FAM91A1: variants seen among roughly 807,000 people sequenced by gnomAD.
FAM91A1 encodes protein FAM91A1.
A neutral mutation model predicts 113.5 loss-of-function variants in FAM91A1; 41 were observed. That is an observed-to-expected ratio of 0.36 (90% CI 0.28 to 0.47). The LOEUF is 0.47. Ranked by LOEUF, FAM91A1 falls within the 20% of genes least tolerant of loss-of-function variation. FAM91A1 has a pLI of 1.00. For missense variants in FAM91A1, 696 were observed against 1,001.2 expected (o/e 0.70, Z 4.11); for synonymous variants, 307 against 347.9 (o/e 0.88, Z 1.31).
chr8:123,809,127 A>AT, intron 22 of FAM91A1, 111 bp downstream of exon 22: 1 of 1,398,658 alleles, frequency 7.1e-7, no homozygotes, highest in Non-Finnish European at 9.5e-7. Context: ...TGTTCTGTAT[A>AT]TATTTGTTGA....
intron 20 of FAM91A1, 92 bp from the exon 21 acceptor site, chr8:123,808,180 T>C (rs1815857645): frequency 3.0e-6 from 3 of 984,098 alleles, no homozygotes; most frequent in Admixed American, 2.4e-5. Flanking sequence ...TCATTACTAT[T>C]GTCTGAAGTC....
At position 123,785,073 on chromosome 8, in the gene FAM91A1, T is replaced by A; in HGVS notation, c.811-8T>A. 1 of 1,579,976 alleles carries A rather than the reference T, an allele frequency of 6.3e-7. No individual in the cohort carries two copies. Among genetic ancestry groups the A allele is most frequent in the East Asian group, 2.3e-5 (1 of 43,870 alleles). On this transcript the variant is annotated splice_polypyrimidine_tract_variant and splice_region_variant and intron_variant, in intron 9 of 23. Transcript: ENST00000334705. ...AATGTAAAAATAAATTTTAATTTTATCTTCTAGCTTGCAAATGTCCTTGAG... is the reference window on the plus strand; with the variant it reads ...AATGTAAAAATAAATTTTAATTTTAACTTCTAGCTTGCAAATGTCCTTGAG...
At chr8:123,810,383 T>G (rs781372740) in intron 23 of FAM91A1, 32 bp downstream of exon 23, 7 of 1,590,462 alleles carry the variant, frequency 4.4e-6, no homozygotes, top group Non-Finnish European at 6.0e-6. Context: ...AAATGGTACT[T>G]GTACTGAGCT....
intron 19 of FAM91A1, among the ~76,000 whole-genome samples, chr8:123,805,867 T>G (rs1198726253): frequency 2.0e-5 from 3 of 152,228 alleles, no homozygotes; most frequent in East Asian, 3.8e-4. Flanking sequence ...GAACTTGAGT[T>G]AAGATATAAA....
chr8:123,785,219 A>G, intron 10 of FAM91A1, 100 bp downstream of exon 10: 1 of 1,018,740 alleles, frequency 9.8e-7, no homozygotes, highest in South Asian at 1.7e-5. Flanking sequence ...GAAGACATTG[A>G]GATTGTTGTT....
Position 123,778,651 on chromosome 8 carries a change from C to T in FAM91A1, c.436-8C>T, listed in dbSNP as rs1815044835. 2 of 1,601,482 alleles carry T rather than the reference C, an allele frequency of 1.2e-6. No homozygotes were observed. The highest frequency in any genetic ancestry group is 1.7e-6 in the Non-Finnish European group (2 of 1,171,166). Reference sequence around the variant, plus strand: ...ATTGCAAATTCTCAAATGTTTGTACCATTGCAGAAATTCTTCAGAAGGAAA... The same window carrying T: ...ATTGCAAATTCTCAAATGTTTGTACTATTGCAGAAATTCTTCAGAAGGAAA... On this transcript the variant is annotated splice_polypyrimidine_tract_variant and splice_region_variant and intron_variant, in intron 5 of 23. Transcript: ENST00000334705.
chr8:123,775,566 G>C (rs554678108), intron 3 of FAM91A1, among the ~76,000 whole-genome samples: 2 of 152,284 alleles, frequency 1.3e-5, no homozygotes, highest in East Asian at 3.9e-4. Context: ...TTGTAGTACT[G>C]ATCAGTCATT....
chr8:123,774,629 T>G (rs528579469), intron 2 of FAM91A1, among the ~76,000 whole-genome samples: 2 of 152,232 alleles, frequency 1.3e-5, no homozygotes, highest in Admixed American at 1.3e-4. Flanking sequence ...ATTATTTTGG[T>G]TAGTCTATTC....
chr8:123,807,677 T>C (rs1393329610), intron 20 of FAM91A1, among the ~76,000 whole-genome samples: 1 of 151,924 alleles, frequency 6.6e-6, no homozygotes, highest in African/African-American at 2.4e-5. Context: ...AAGAGTTAGG[T>C]AGACAAAAGA....
At chr8:123,782,026 A>G (rs1815137455) in intron 8 of FAM91A1, among the ~76,000 whole-genome samples, 1 of 152,200 alleles carries the variant, frequency 6.6e-6, no homozygotes, top group South Asian at 2.1e-4. Context: ...TCCACCTATT[A>G]ATAAAAAGAT....
chr8:123,784,612 A>C, intron 9 of FAM91A1, 36 bp downstream of exon 9: 364 of 1,450,668 alleles, frequency 2.5e-4, no homozygotes, highest in Middle Eastern at 3.5e-4. Flanking sequence ...ATATAATCTC[A>C]AGATTGTAAG....
chr8:123,776,916 A>G (rs1043017952), intron 3 of FAM91A1, among the ~76,000 whole-genome samples: 1 of 152,166 alleles, frequency 6.6e-6, no homozygotes, highest in Non-Finnish European at 1.5e-5. Flanking sequence ...GCTTTCTCTC[A>G]TGGTGGAGAT....
chr8:123,778,924 G>A, intron 6 of FAM91A1, 152 bp downstream of exon 6: 2 of 532,428 alleles, frequency 3.8e-6, no homozygotes, highest in Non-Finnish European at 6.3e-6. Context: ...TAGTAGACTA[G>A]AATATTGGTG....
At chr8:123,784,119 A>G (rs981318095) in intron 8 of FAM91A1, among the ~76,000 whole-genome samples, 5 of 152,214 alleles carry the variant, frequency 3.3e-5, no homozygotes, top group African/African-American at 1.2e-4. Flanking sequence ...TGAGGCATCA[A>G]AAACACATGT....
chr8:123,780,015 G>T lies in FAM91A1; in HGVS notation c.580G>T (p.Asp194Tyr). ...ICTLPEKCAV[D>Y]KIIDSGPQLS... is the part of the protein sequence containing the mutation. Reference sequence around the variant, plus strand: ...CACTTTGCCTGAGAAATGCGCTGTTGATAAGATCATCGATTCAGGCCCTCA... The same window carrying T: ...CACTTTGCCTGAGAAATGCGCTGTTTATAAGATCATCGATTCAGGCCCTCA... Residue 194 changes from aspartate to tyrosine, a missense_variant, in exon 7 of 24, where the codon GAT becomes TAT. Transcript: ENST00000334705. 6.2e-7 allele frequency: 1 copy of T among 1,613,380 alleles called. No individual in the cohort carries two copies. Among genetic ancestry groups the T allele is most frequent in the Non-Finnish European group, 8.5e-7 (1 of 1,179,568 alleles).
chr8:123,787,444 T>C lies in FAM91A1; in HGVS notation c.1191+71T>C. On this transcript the variant is annotated intron_variant, in intron 13 of 23. Transcript: ENST00000334705. Reference sequence around the variant, plus strand: ...CTAGATATAAAATAATTTAATGCTTTTATATCTTTTTTAAAGTACTACATT... The same window carrying C: ...CTAGATATAAAATAATTTAATGCTTCTATATCTTTTTTAAAGTACTACATT... The C allele has an allele frequency of 4.9e-6, 6 of 1,226,350 alleles. No individual in the cohort carries two copies. The South Asian group carries it at 6.7e-5, about 14-fold the overall frequency. 76.0% of individuals were successfully genotyped at this position (1,226,350 alleles called of 1,614,324 possible). A position where few individuals can be genotyped will look rare whatever the true frequency, so the allele number is the denominator to read the frequency against.
At chr8:123,774,924 A>G (rs1422204260) in intron 2 of FAM91A1, among the ~76,000 whole-genome samples, 3 of 152,186 alleles carry the variant, frequency 2.0e-5, no homozygotes, top group African/African-American at 7.2e-5. Context: ...TCATTTGGCA[A>G]GAATTATTCT....
chr8:123,792,911 A>G (rs574946285), intron 15 of FAM91A1, among the ~76,000 whole-genome samples: 1 of 152,306 alleles, frequency 6.6e-6, no homozygotes, highest in Non-Finnish European at 1.5e-5. Context: ...CCTCATAAGC[A>G]GTGAGTTGAA....
intron 18 of FAM91A1, among the ~76,000 whole-genome samples, chr8:123,801,587 G>A (rs1586391580): frequency 2.6e-5 from 4 of 152,198 alleles, no homozygotes; most frequent in Admixed American, 2.6e-4. Flanking sequence ...TTTAAGGATG[G>A]TGGGAAAAGC....
Sources: gnomAD v4.1 joint callset for allele counts (sites outside exome capture counted in the v4.1 genomes callset) on GRCh38, gnomAD v4.1.1 for gene constraint, MANE v1.5 for transcripts, NCBI Gene and HGNC (gene_info 2026-07-23, HGNC 2026-07-21) for gene names.